The following CRADD variants were observed in gnomAD, a reference collection of about 807,000 sequenced individuals.
The protein encoded by CRADD is CARD and death domain containing adaptor protein.
A neutral mutation model predicts 15.5 loss-of-function variants in CRADD; 9 were observed. The observed-to-expected ratio is 0.58, with a 90% CI of 0.35 to 1.01. CRADD has a LOEUF of 1.01. Ranked by LOEUF, CRADD falls within the 50% of genes least tolerant of loss-of-function variation. The pLI, the probability that CRADD is intolerant of heterozygous loss-of-function variation, is 0.02. For missense variants in CRADD, 227 were observed against 250.3 expected (o/e 0.91, Z 0.63); for synonymous variants, 118 against 107.6 (o/e 1.10, Z -0.60).
chr12:93,703,851 T>C (rs527330006), intron 2 of CRADD, among the ~76,000 whole-genome samples: 69 of 152,270 alleles, frequency 4.5e-4, no homozygotes, highest in African/African-American at 1.5e-3. Context: ...ACAGACCTTA[T>C]TGGAATAGGT....
intron 2 of CRADD, among the ~76,000 whole-genome samples, chr12:93,697,897 T>G (rs901756037): frequency 6.6e-6 from 1 of 152,150 alleles, no homozygotes; most frequent in East Asian, 1.9e-4. Context: ...GAAATGGGAT[T>G]GGAAAAAGAA....
intron 2 of CRADD, among the ~76,000 whole-genome samples, chr12:93,847,216 A>C (rs759334781): frequency 2.6e-5 from 4 of 152,172 alleles, no homozygotes; most frequent in Non-Finnish European, 4.4e-5. Context: ...CAAGTTACAC[A>C]AAATACTGGA....
chr12:93,727,078 C>T (rs1294443569), intron 2 of CRADD, among the ~76,000 whole-genome samples: 2 of 152,152 alleles, frequency 1.3e-5, no homozygotes, highest in Non-Finnish European at 2.9e-5. Flanking sequence ...ATTTATGATG[C>T]TCAGGTGGGA....
chr12:93,720,708 A>G (rs1299134971), intron 2 of CRADD, among the ~76,000 whole-genome samples: 1 of 152,276 alleles, frequency 6.6e-6, no homozygotes, highest in Non-Finnish European at 1.5e-5. Context: ...GTAGTTTGCT[A>G]TGTCTGAAAT....
intron 2 of CRADD, among the ~76,000 whole-genome samples, chr12:93,822,404 CT>C (rs1289293585): frequency 6.6e-6 from 1 of 152,084 alleles, no homozygotes; most frequent in African/African-American, 2.4e-5. Flanking sequence ...AGAAATGAGC[CT>C]TGACAACCCC....
intron 2 of CRADD, chr12:93,893,909 A>G (rs1958594159): frequency 1.6e-6 from 1 of 617,020 alleles, no homozygotes; most frequent in Non-Finnish European, 2.9e-6. Context: ...CAAAAAAGAA[A>G]AAAAAAAAAA....
chr12:93,873,510 A>G (rs1328450255), intron 2 of CRADD, among the ~76,000 whole-genome samples: 1 of 152,066 alleles, frequency 6.6e-6, no homozygotes, highest in South Asian at 2.1e-4. Context: ...AAAGGCTTTA[A>G]GTTTTTCCAC....
At chr12:93,705,441 A>C (rs1341456222) in intron 2 of CRADD, among the ~76,000 whole-genome samples, 2 of 152,236 alleles carry the variant, frequency 1.3e-5, no homozygotes, top group Non-Finnish European at 2.9e-5. Flanking sequence ...CTCTAGGGAC[A>C]GTCTCCTGTC....
At chr12:93,686,513 T>C (rs1955446022) in intron 2 of CRADD, among the ~76,000 whole-genome samples, 1 of 152,160 alleles carries the variant, frequency 6.6e-6, no homozygotes, top group Non-Finnish European at 1.5e-5. Flanking sequence ...TTCACAGTTT[T>C]GCTCTTTCAA....
At chr12:93,732,136 CAA>C (rs1166569460) in intron 2 of CRADD, among the ~76,000 whole-genome samples, 1 of 120,836 alleles carries the variant, frequency 8.3e-6, no homozygotes, top group Non-Finnish European at 1.7e-5. Context: ...AATTCCGTCT[CAA>C]GAAAAAAAAA....
intron 2 of CRADD, among the ~76,000 whole-genome samples, chr12:93,822,328 G>A (rs1440836504): frequency 6.6e-6 from 1 of 152,172 alleles, no homozygotes; most frequent in African/African-American, 2.4e-5. Context: ...CACAGTCTCA[G>A]AGCCTGGAGT....
chr12:93,706,439 T>G (rs771056045), intron 2 of CRADD, among the ~76,000 whole-genome samples: 2 of 152,250 alleles, frequency 1.3e-5, no homozygotes, highest in Non-Finnish European at 2.9e-5. Context: ...ATTTGTTTTT[T>G]TGTGTGTGTG....
intron 2 of CRADD, among the ~76,000 whole-genome samples, chr12:93,756,569 T>G (rs974127039): frequency 6.6e-6 from 1 of 152,222 alleles, no homozygotes; most frequent in Non-Finnish European, 1.5e-5. Context: ...TCCAGGGCCT[T>G]CCTTGTTCAC....
intron 2 of CRADD, among the ~76,000 whole-genome samples, chr12:93,829,802 C>T (rs1565930155): frequency 6.6e-6 from 1 of 152,146 alleles, no homozygotes; most frequent in Non-Finnish European, 1.5e-5. Context: ...AAGCAATTCT[C>T]ATGCCTCAGG....
In CRADD at chr12:93,685,626, A is replaced by G. The variant is rs147698108; in HGVS notation, c.298+6554A>G. ...GAATATTGAATAGGAAATAAGATTG[A>G]AAGTATACCAAATTATTTAGGAAAA... On this transcript the variant is annotated intron_variant, in intron 2 of 2. Transcript: ENST00000332896. Among the ~76,000 whole-genome samples, 13 of 152,340 alleles carry G rather than the reference A, an allele frequency of 8.5e-5. 1 individual carries two copies. The East Asian group carries it at 2.5e-3, about 29-fold the overall frequency.
At chr12:93,873,014 C>T (rs746844247) in intron 2 of CRADD, among the ~76,000 whole-genome samples, 4 of 151,984 alleles carry the variant, frequency 2.6e-5, no homozygotes, top group Non-Finnish European at 4.4e-5. Flanking sequence ...AATATTTTAA[C>T]AATATTGATT....
chr12:93,837,358 C>G (rs946631993), intron 2 of CRADD: 4 of 152,016 alleles, frequency 2.6e-5, no homozygotes, highest in African/African-American at 9.7e-5. Context: ...ACCTCCACCT[C>G]CTGAGATCAA....
chr12:93,867,246 C>T (rs1001714645), intron 2 of CRADD, among the ~76,000 whole-genome samples: 5 of 151,862 alleles, frequency 3.3e-5, no homozygotes, highest in African/African-American at 1.2e-4. Context: ...TTTTCTAACT[C>T]ACAACATTTT....
intron 2 of CRADD, among the ~76,000 whole-genome samples, chr12:93,721,028 A>C (rs2136887644): frequency 6.6e-6 from 1 of 152,006 alleles, no homozygotes; most frequent in African/African-American, 2.4e-5. Context: ...TTTATGGTTT[A>C]TTATTTAGTA....
Sources: gnomAD v4.1 joint callset for allele counts (sites outside exome capture counted in the v4.1 genomes callset) on GRCh38, gnomAD v4.1.1 for gene constraint, MANE v1.5 for transcripts, NCBI Gene and HGNC (gene_info 2026-07-23, HGNC 2026-07-21) for gene names.